ATXN7L2: variants seen among roughly 807,000 people sequenced by gnomAD.
ATXN7L2 encodes the protein ataxin-7-like protein 2.
ATXN7L2 carries 17 observed loss-of-function variants against 59.6 expected under a neutral mutation model. The observed-to-expected ratio is 0.29, with a 90% CI of 0.20 to 0.43. The LOEUF (loss-of-function observed/expected upper bound fraction) is 0.43. ATXN7L2 is among the 20% of genes least tolerant of loss of function. The pLI is 1.00. For missense variants in ATXN7L2, 858 were observed against 1,008.9 expected (o/e 0.85, Z 2.03); for synonymous variants, 378 against 392.5 (o/e 0.96, Z 0.44).
intron 1 of ATXN7L2, chr1:109,485,124 T>G: frequency 8.3e-6 from 3 of 361,752 alleles, no homozygotes; most frequent in Non-Finnish European, 1.2e-5. Flanking sequence ...GGCTGCCCCA[T>G]GCTGGGTGGG....
At position 109,491,643 on chromosome 1, in the gene ATXN7L2, G is replaced by C. The variant is rs199625357; in HGVS notation, c.2176G>C (p.Asp726His). The stretch of plus-strand genomic sequence containing the variant: ...GCACTGTCAGGCTGGTGCCCCTGCT[G>C]ATGTGGCCTGCTCTGTGCGCCGCAA... ...AKHCQAGAPA[D>H]VACSVRRKKP... Residue 726 changes from aspartate to histidine, a missense_variant, in exon 10 of 11, where the codon GAT (aspartate) becomes CAT (histidine). By Grantham distance (81) the Asp-to-His change is moderately conservative. Transcript: ENST00000683729. The surrounding 1 kb of genome is among the most constrained non-coding windows in gnomAD (Gnocchi z 4.1). 1.2e-6 allele frequency: 2 copies of C among 1,612,978 alleles called. No homozygotes were observed. Among genetic ancestry groups the C allele is most frequent in the Admixed American group, 3.3e-5 (2 of 59,998 alleles).
chr1:109,491,612 G>A lies in ATXN7L2; in HGVS notation c.2145G>A (p.Lys715=). The part of the protein sequence containing the change: ...KNLATYCRPV[K]AKHCQAGAPA... ...TGGCCACTTATTGCCGGCCAGTGAAGGCCAAGCACTGTCAGGCTGGTGCCC... is the reference window on the plus strand; with the variant it reads ...TGGCCACTTATTGCCGGCCAGTGAAAGCCAAGCACTGTCAGGCTGGTGCCC... Residue 715 remains lysine, a synonymous_variant, in exon 10 of 11, where the codon AAG becomes AAA. Coordinates refer to ENST00000683729, the MANE Select transcript of ATXN7L2 (RefSeq NM_001350175.2). This position sits in a 1 kb window ranked among gnomAD's most constrained non-coding sequence, Gnocchi z 4.1. The A allele has an allele frequency of 6.2e-7, 1 of 1,613,676 alleles. No individual in the cohort carries two copies. The highest frequency in any genetic ancestry group is 8.5e-7 in the Non-Finnish European group (1 of 1,179,960).
In ATXN7L2 at chr1:109,486,702, A is replaced by G; in HGVS notation, c.298+92A>G. On this transcript the variant is annotated intron_variant, in intron 3 of 10. Coordinates refer to ENST00000683729, the MANE Select transcript of ATXN7L2 (RefSeq NM_001350175.2). This position sits in a 1 kb window ranked among gnomAD's most constrained non-coding sequence, Gnocchi z 4.3. ...GGTCAGTTGGGAGGTCTCGTAGGGTAATGGAGGGTGGTGTTGAGGATAGGA... is the reference window on the plus strand; with the variant it reads ...GGTCAGTTGGGAGGTCTCGTAGGGTGATGGAGGGTGGTGTTGAGGATAGGA... The G allele has an allele frequency of 2.7e-6, 3 of 1,111,142 alleles. No homozygotes were observed. In the East Asian group the frequency reaches 7.5e-5, roughly 28 times the overall value. 68.8% of individuals were successfully genotyped at this position (1,111,142 alleles called of 1,614,324 possible). A position where few individuals can be genotyped will look rare whatever the true frequency, so the allele number is the denominator to read the frequency against.
Position 109,490,507 on chromosome 1 carries a change from A to G in ATXN7L2, c.1454+115A>G, listed in dbSNP as rs578023681. 71 of 1,418,782 alleles carry G rather than the reference A, an allele frequency of 5.0e-5. No homozygotes were observed. The South Asian group carries it at 8.4e-4, about 17-fold the overall frequency. 87.9% of individuals were successfully genotyped at this position (1,418,782 alleles called of 1,614,324 possible). On this transcript the variant is annotated intron_variant, in intron 9 of 10. Transcript: ENST00000683729. Reference sequence around the variant, plus strand: ...GTATACCCATAGGTGTGCCTTGGCTATTTGCCAGCAGGACCCCAGATAGGG... The same window carrying G: ...GTATACCCATAGGTGTGCCTTGGCTGTTTGCCAGCAGGACCCCAGATAGGG...
At chr1:109,485,733 C>T in intron 1 of ATXN7L2, 1 of 1,044,488 alleles carries the variant, frequency 9.6e-7, no homozygotes, top group South Asian at 4.6e-5. Context: ...AGCAGTGGAA[C>T]CCTAAACTGC....
At chr1:109,492,173 A>G in intron 10 of ATXN7L2, 3 of 961,032 alleles carry the variant, frequency 3.1e-6, no homozygotes, top group Non-Finnish European at 3.8e-6. Flanking sequence ...ACACAACCCC[A>G]TGTCCACTTA....
Position 109,490,152 on chromosome 1 carries a change from A to T in ATXN7L2, c.1332+24A>T, listed in dbSNP as rs369361561. ...CGGTAAGGACCTGGAATAGGGGCCT[A>T]TGGAGGGGGTGGCCCAGCACTCCTG... is the stretch of plus-strand genomic sequence containing the variant. On this transcript the variant is annotated intron_variant, in intron 8 of 10. Transcript: ENST00000683729. The T allele has an allele frequency of 2.6e-6, 4 of 1,564,232 alleles. No individual in the cohort carries two copies. The African/African-American group carries it at 4.1e-5, about 16-fold the overall frequency.
rs1656647032 is a variant in ATXN7L2 at position 109,487,162 on chromosome 1, G to T, written c.454G>T (p.Gly152Trp). ...AACCTCCTCCAGGGAGAAGGGCCAG[G>T]GGTCCCGGAGCCGTGGCCACCAGCC... ...TKTSSREKGQ[G>W]SRSRGHQPPE... The change falls in exon 4 of 11, where the codon GGG becomes TGG. Residue 152 changes from glycine (G) to tryptophan (W), a missense_variant. Coordinates refer to ENST00000683729, the MANE Select transcript of ATXN7L2 (RefSeq NM_001350175.2). 6.2e-7 allele frequency: 1 copy of T among 1,602,234 alleles called. No homozygotes were observed. Among genetic ancestry groups the T allele is most frequent in the African/African-American group, 1.3e-5 (1 of 74,674 alleles).
intron 10 of ATXN7L2, 50 bp from the exon 11 acceptor site, chr1:109,492,536 C>T (rs765065024): frequency 4.3e-6 from 7 of 1,612,426 alleles, no homozygotes; most frequent in Admixed American, 3.3e-5. Flanking sequence ...GGTAGGACAG[C>T]TGGTAGGCCC....
chr1:109,492,079 C>T (rs1657126436), intron 10 of ATXN7L2: 2 of 1,082,952 alleles, frequency 1.8e-6, no homozygotes, highest in Non-Finnish European at 2.2e-6. Context: ...GTCCCTGGGT[C>T]ACAGCCTAAC....
downstream of ATXN7L2, chr1:109,492,782 C>T (rs1657203437): frequency 2.7e-6 from 2 of 743,050 alleles, no homozygotes; most frequent in Non-Finnish European, 2.1e-6. Context: ...AAAACAGAAA[C>T]ATAGAAAAGG....
At position 109,492,717 on chromosome 1, in the gene ATXN7L2, C is replaced by T. The variant is rs917422917; in HGVS notation, c.*117C>T. On this transcript the variant is annotated 3_prime_UTR_variant, in exon 11 of 11. Transcript: ENST00000683729. ...TATTATTTTTTTTTAAGAAAAAAAG[C>T]TCTTTAAAATACCTCAAGACTGTCT... 7.8e-7 allele frequency: 1 copy of T among 1,283,448 alleles called. No individual in the cohort carries two copies. The highest frequency in any genetic ancestry group is 2.2e-5 in the Admixed American group (1 of 45,692). 79.5% of individuals were successfully genotyped at this position (1,283,448 alleles called of 1,614,324 possible).
In ATXN7L2 at chr1:109,486,023, G is replaced by T; in HGVS notation, c.128-34G>T. The T allele has an allele frequency of 6.5e-7, 1 of 1,537,480 alleles. No individual in the cohort carries two copies. The highest frequency in any genetic ancestry group is 8.7e-7 in the Non-Finnish European group (1 of 1,147,258). On this transcript the variant is annotated intron_variant, in intron 1 of 10. Transcript: ENST00000683729. This position sits in a 1 kb window ranked among gnomAD's most constrained non-coding sequence, Gnocchi z 4.3. ...AGAGGCTGGAGACTCTCTAAAACTGGCCCTGACCCTTCTGAGCTGTGTTTC... is the reference window on the plus strand; with the variant it reads ...AGAGGCTGGAGACTCTCTAAAACTGTCCCTGACCCTTCTGAGCTGTGTTTC...
chr1:109,485,667 A>G (rs1057400300), intron 1 of ATXN7L2: 5 of 992,908 alleles, frequency 5.0e-6, no homozygotes, highest in Non-Finnish European at 6.0e-6. Context: ...TCCCCTTTAA[A>G]TGGGGAAGCA....
rs776755186 is a variant in ATXN7L2 at position 109,491,059 on chromosome 1, C to T, written c.1592C>T (p.Pro531Leu). Residue 531 changes from proline to leucine, a missense_variant, in exon 10 of 11, where the codon CCC becomes CTC. Pro to Leu is a moderately conservative substitution (Grantham distance 98). Around this residue, in one of 3 missense-constraint regions of ATXN7L2, gnomAD observed 734 missense variants for 862.3 expected, o/e 0.85. Transcript: ENST00000683729. This position sits in a 1 kb window ranked among gnomAD's most constrained non-coding sequence, Gnocchi z 4.1. Reference protein sequence around the residue: ...TLRPACPASMPPTKDNLVPSY... With the variant: ...TLRPACPASMLPTKDNLVPSY... ...AGACCTGCCTGCCCAGCCTCCATGC[C>T]CCCCACCAAGGACAACCTTGTCCCC... 92 of 1,613,626 alleles carry T rather than the reference C, an allele frequency of 5.7e-5. No homozygotes were observed. Among genetic ancestry groups the T allele is most frequent in the Non-Finnish European group, 7.5e-5 (89 of 1,180,008 alleles).
rs1459891554 is a variant in ATXN7L2, at chr1:109,489,923, C to T, written c.1134-7C>T. ...CATTCCCCTGGCATCCCTTTTGGCC[C>T]TTCCAGGTCCCGGGCCTCCTCCGAG... is the stretch of plus-strand genomic sequence containing the variant. On this transcript the variant is annotated splice_polypyrimidine_tract_variant and splice_region_variant and intron_variant, in intron 7 of 10. Transcript: ENST00000683729. 3.7e-6 allele frequency: 6 copies of T among 1,613,090 alleles called. No individual in the cohort carries two copies. In the African/African-American group the frequency reaches 6.7e-5, roughly 18 times the overall value.
intron 1 of ATXN7L2, 198 bp from the exon 2 acceptor site, chr1:109,485,859 G>T: frequency 1.6e-6 from 2 of 1,229,864 alleles, no homozygotes; most frequent in Non-Finnish European, 1.0e-6. Flanking sequence ...CCCACTGAAA[G>T]GTTCCCCAAG....
At position 109,487,074 on chromosome 1, in the gene ATXN7L2, C is replaced by T. The variant is rs757840300; in HGVS notation, c.366C>T (p.Ser122=). ...CACCCCCACCTCCAGCCCCTGCCAG[C>T]TCTCAGAAATGCCATGTAGTGAATG... is the stretch of plus-strand genomic sequence containing the variant. The part of the protein sequence containing the change: ...RAPPPPPAPA[S]SQKCHVVNGQ... The change falls in exon 4 of 11, where the codon AGC becomes AGT. Residue 122 remains serine (S), a synonymous_variant. Transcript: ENST00000683729. The T allele has an allele frequency of 1.9e-6, 3 of 1,613,192 alleles. No individual in the cohort carries two copies. The highest frequency in any genetic ancestry group is 2.5e-6 in the Non-Finnish European group (3 of 1,179,598).
intron 1 of ATXN7L2, among the ~76,000 whole-genome samples, 154 bp downstream of exon 1, chr1:109,484,234 G>A: frequency 6.7e-6 from 1 of 150,130 alleles, no homozygotes. Context: ...GTGCCCGCCC[G>A]CTCCGTCACC....
Sources: allele counts gnomAD v4.1 joint callset (sites outside exome capture counted in the v4.1 genomes callset), GRCh38; gene constraint gnomAD v4.1.1; regional missense constraint gnomAD v4.1.1; non-coding constraint Gnocchi (gnomAD v3.1); transcripts MANE v1.5; gene names NCBI Gene and HGNC (gene_info 2026-07-23, HGNC 2026-07-21).